The following NCAPD2 variants were observed in gnomAD, a reference collection of about 807,000 sequenced individuals.
NCAPD2 encodes the protein non-SMC condensin I complex subunit D2, also known as condensin complex subunit 1.
In NCAPD2, 100 loss-of-function variants were observed where a neutral mutation model predicts 164.5. The ratio of observed to expected loss-of-function variants is 0.61; its 90% CI spans 0.52 to 0.72. The LOEUF (loss-of-function observed/expected upper bound fraction) is 0.72. Ranked by LOEUF, NCAPD2 falls within the 30% of genes least tolerant of loss-of-function variation. NCAPD2 has a pLI of 0.00. For synonymous variants in NCAPD2, 585 were observed against 642.6 expected, an observed-to-expected ratio of 0.91 and a Z score of 1.36; for missense variants, 1,560 against 1,749.2, an observed-to-expected ratio of 0.89 and a Z score of 1.93.
chr12:6,519,336 C>T (rs1422573697), intron 13 of NCAPD2, among the ~76,000 whole-genome samples: 1 of 151,872 alleles, frequency 6.6e-6, no homozygotes, highest in Non-Finnish European at 1.5e-5. Flanking sequence ...CTAGTATTTT[C>T]TCCTGTCAAT....
chr12:6,517,689 T>A lies in NCAPD2; in HGVS notation c.1408+6T>A. Reference sequence around the variant, plus strand: ...GAGGCGAACTGCAGCAGCTTGTAAGTAGTTACTGCCTTGGAGTCCTAATGC... The same window carrying A: ...GAGGCGAACTGCAGCAGCTTGTAAGAAGTTACTGCCTTGGAGTCCTAATGC... On this transcript the variant is annotated splice_donor_region_variant and intron_variant, in intron 12 of 31. Transcript: ENST00000315579. 5.0e-6 allele frequency: 8 copies of A among 1,614,218 alleles called. No homozygotes were observed. The highest frequency in any genetic ancestry group is 5.9e-6 in the Non-Finnish European group (7 of 1,180,030).
rs1354483217 is a variant in NCAPD2, at chr12:6,531,192, A to T, written c.4120+116A>T. The stretch of plus-strand genomic sequence containing the variant: ...TGTAGATGCTCTGCCCCACTGCCGC[A>T]GAAGGGCCTCTCCTGTACAGCTTGG... On this transcript the variant is annotated intron_variant, in intron 31 of 31. Transcript: ENST00000315579. The surrounding 1 kb of genome is among the most constrained non-coding windows in gnomAD (Gnocchi z 4.1). 6.7e-7 allele frequency: 1 copy of T among 1,502,446 alleles called. No homozygotes were observed. The highest frequency in any genetic ancestry group is 9.1e-7 in the Non-Finnish European group (1 of 1,095,804). 93.1% of individuals were successfully genotyped at this position (1,502,446 alleles called of 1,614,324 possible).
rs1049889468 is a variant in NCAPD2 at position 6,527,732 on chromosome 12, ATGT to A, written c.2908-41_2908-39del. On this transcript the variant is annotated intron_variant, in intron 22 of 31. Transcript: ENST00000315579. Reference sequence around the variant, plus strand: ...AACAAAGTATGGGCTGGAATCAAAAATGTTGTCTCTGCTTATCCATGATCCCCA... The same window carrying A: ...AACAAAGTATGGGCTGGAATCAAAAATGTCTCTGCTTATCCATGATCCCCA... 7 of 1,552,258 alleles carry A rather than the reference ATGT, an allele frequency of 4.5e-6. No individual in the cohort carries two copies. In the African/African-American group the frequency reaches 6.8e-5, roughly 15 times the overall value.
rs760978668 is a variant in NCAPD2 at position 6,529,914 on chromosome 12, T to G, written c.3793T>G (p.Ser1265Ala). 1 of 1,614,228 alleles carries G rather than the reference T, an allele frequency of 6.2e-7. No homozygotes were observed. The highest frequency in any genetic ancestry group is 1.1e-5 in the South Asian group (1 of 91,088). The change falls in exon 29 of 32, where the codon TCA becomes GCA. Residue 1265 changes from serine to alanine, a missense_variant. Coordinates refer to ENST00000315579, the MANE Select transcript of NCAPD2 (RefSeq NM_014865.4). ...TGAGTCCATCTTCAGTGCTTTTTTG[T>G]CAGTTGTAGGCAAGCTGCGACGTGG... ...SDESIFSAFL[S>A]VVGKLRRGAK...
chr12:6,520,925 C>T (rs1190412875), intron 13 of NCAPD2, 61 bp from the exon 14 acceptor site: 3 of 1,606,374 alleles, frequency 1.9e-6, no homozygotes, highest in East Asian at 2.2e-5. Context: ...ATGAGGTAAG[C>T]TCCCTTACAA....
At chr12:6,519,329 G>C (rs1459176310) in intron 13 of NCAPD2, among the ~76,000 whole-genome samples, 3 of 151,946 alleles carry the variant, frequency 2.0e-5, no homozygotes, top group Non-Finnish European at 4.4e-5. Flanking sequence ...AAGCATTCTA[G>C]TATTTTCTCC....
chr12:6,527,156 A>G (rs1441507683), intron 22 of NCAPD2, 93 bp downstream of exon 22: 3 of 1,361,404 alleles, frequency 2.2e-6, no homozygotes, highest in Non-Finnish European at 3.0e-6. Flanking sequence ...CTCCTCTGCT[A>G]TTACATGAAG....
chr12:6,525,733 G>A lies in NCAPD2; in HGVS notation c.2348+17G>A. 6.2e-7 allele frequency: 1 copy of A among 1,611,498 alleles called. No homozygotes were observed. On this transcript the variant is annotated intron_variant, in intron 18 of 31. Transcript: ENST00000315579. ...GATGGCACGGTGAGGCTCAAATCTA[G>A]CAGGCAATGGGGTGGGAGAGCAAAG...
intron 2 of NCAPD2, among the ~76,000 whole-genome samples, chr12:6,501,806 G>A (rs935149062): frequency 6.6e-6 from 1 of 152,174 alleles, no homozygotes; most frequent in Non-Finnish European, 1.5e-5. Context: ...GGGGCAGAAA[G>A]CGAATGAAGG....
intron 15 of NCAPD2, 107 bp downstream of exon 15, chr12:6,522,144 G>C: frequency 7.8e-7 from 1 of 1,285,680 alleles, no homozygotes; most frequent in Non-Finnish European, 1.1e-6. Context: ...TTGTTGCTCA[G>C]GCTGGTCTCC....
intron 10 of NCAPD2, 125 bp from the exon 11 acceptor site, chr12:6,517,240 T>C (rs1946210985): frequency 7.1e-7 from 1 of 1,414,478 alleles, no homozygotes; most frequent in African/African-American, 1.4e-5. Flanking sequence ...ACTCCTAATC[T>C]ATATTCTGTA....
chr12:6,522,529 G>C (rs1253810399), intron 15 of NCAPD2, among the ~76,000 whole-genome samples: 1 of 150,870 alleles, frequency 6.6e-6, no homozygotes, highest in Non-Finnish European at 1.5e-5. Context: ...AGGCTACAGT[G>C]AGCTGTGGTC....
At chr12:6,505,827 T>TA (rs1465855445) in intron 2 of NCAPD2, among the ~76,000 whole-genome samples, 3 of 112,980 alleles carry the variant, frequency 2.7e-5, no homozygotes, top group Non-Finnish European at 5.3e-5. Flanking sequence ...ATTGTGTCAC[T>TA]ACACTCTAGC....
chr12:6,519,875 A>C (rs1301779295), intron 13 of NCAPD2, among the ~76,000 whole-genome samples: 1 of 151,854 alleles, frequency 6.6e-6, no homozygotes, highest in Non-Finnish European at 1.5e-5. Flanking sequence ...CTCAAAAAAA[A>C]AAAAAAATTT....
chr12:6,494,673 T>C (rs915149516), intron 1 of NCAPD2, among the ~76,000 whole-genome samples: 3 of 152,234 alleles, frequency 2.0e-5, no homozygotes, highest in African/African-American at 7.2e-5. Context: ...TAATAGTACT[T>C]TGCACATTAA....
At chr12:6,523,405 T>TTTTTG in intron 17 of NCAPD2, 59 bp downstream of exon 17, 7 of 1,432,534 alleles carry the variant, frequency 4.9e-6, no homozygotes, top group Non-Finnish European at 6.7e-6. Flanking sequence ...GTTGTTTTTT[T>TTTTTG]TTTTTTTTTT....
chr12:6,530,772 C>T lies in NCAPD2; in HGVS notation c.3919C>T (p.Gln1307Ter), dbSNP rs1946363776. Residue 1307 changes from glutamine (Q) to a stop codon, truncating the protein, a stop_gained, in exon 30 of 32, where the codon CAA becomes TAA. Coordinates refer to ENST00000315579, the MANE Select transcript of NCAPD2 (RefSeq NM_014865.4). LOFTEE classifies it high-confidence loss of function. ...TGGAATCAAGGAGCTTGAGATTGGC[C>T]AAGCAGGTAGCCAGAGAGCGCCATC... ...LDGIKELEIG[Q>*]AGSQRAPSAK... 1 of 1,614,066 alleles carries T rather than the reference C, an allele frequency of 6.2e-7. No homozygotes were observed. The highest frequency in any genetic ancestry group is 1.7e-5 in the Admixed American group (1 of 60,002).
intron 2 of NCAPD2, among the ~76,000 whole-genome samples, chr12:6,498,097 C>T (rs1261653339): frequency 1.3e-5 from 2 of 151,902 alleles, no homozygotes; most frequent in African/African-American, 4.8e-5. Context: ...TTTGTAGCAA[C>T]GAGGTTTTGC....
In NCAPD2 at chr12:6,520,893, G is replaced by C. The variant is rs2137055121; in HGVS notation, c.1590-93G>C. The C allele has an allele frequency of 2.6e-6, 4 of 1,545,694 alleles. No homozygotes were observed. In the East Asian group the frequency reaches 9.0e-5, roughly 35 times the overall value. ...AAGTGCTCCTTTTCTCTGGGCAGTA[G>C]GTCCAGGGACTTGATAGAATCATGA... is the stretch of plus-strand genomic sequence containing the variant. On this transcript the variant is annotated intron_variant, in intron 13 of 31. Coordinates refer to ENST00000315579, the MANE Select transcript of NCAPD2 (RefSeq NM_014865.4).
Sources: allele counts gnomAD v4.1 joint callset (sites outside exome capture counted in the v4.1 genomes callset), GRCh38; gene constraint gnomAD v4.1.1; non-coding constraint Gnocchi (gnomAD v3.1); transcripts MANE v1.5; gene names NCBI Gene and HGNC (gene_info 2026-07-23, HGNC 2026-07-21).